Variants in RGS9 observed in about 807,000 individuals in gnomAD.
The protein encoded by RGS9 is regulator of G-protein signalling 9.
In RGS9, 78 loss-of-function variants were observed where a neutral mutation model predicts 102.0. The observed-to-expected ratio is 0.76, with a 90% CI of 0.64 to 0.92. RGS9 has a LOEUF of 0.92. Ranked by LOEUF, RGS9 falls within the 40% of genes least tolerant of loss-of-function variation. The probability of loss-of-function intolerance (pLI) is 0.00; values close to 1 mark genes in which losing one functional copy is unlikely to be tolerated. For missense variants in RGS9, 833 were observed against 866.1 expected, an observed-to-expected ratio of 0.96 and a Z score of 0.48; for synonymous variants, 353 against 318.6, an observed-to-expected ratio of 1.11 and a Z score of -1.15.
intron 17 of RGS9, among the ~76,000 whole-genome samples, chr17:65,212,338 T>A (rs1466233436): frequency 6.6e-6 from 1 of 152,202 alleles, no homozygotes; most frequent in East Asian, 1.9e-4. Flanking sequence ...CACAAATGCC[T>A]GCCCAAGGAT....
At chr17:65,171,227 A>T (rs1379555336) in intron 8 of RGS9, among the ~76,000 whole-genome samples, 1 of 152,176 alleles carries the variant, frequency 6.6e-6, no homozygotes, top group African/African-American at 2.4e-5. Flanking sequence ...ACTTTGTCCC[A>T]GGGAAGGGGT....
chr17:65,211,748 T>C (rs945017022), intron 17 of RGS9, among the ~76,000 whole-genome samples: 1 of 152,238 alleles, frequency 6.6e-6, no homozygotes, highest in African/African-American at 2.4e-5. Context: ...ATTCAGCACG[T>C]CTATTGAGCA....
intron 17 of RGS9, among the ~76,000 whole-genome samples, chr17:65,215,520 C>CTTTCTTTA (rs1913483935): frequency 7.3e-6 from 1 of 137,666 alleles, no homozygotes; most frequent in Non-Finnish European, 1.5e-5. Flanking sequence ...TTCTTTCTTT[C>CTTTCTTTA]TTTCTTTCTT....
intron 1 of RGS9, among the ~76,000 whole-genome samples, chr17:65,148,018 G>A (rs1254382871): frequency 6.6e-6 from 1 of 152,152 alleles, no homozygotes; most frequent in Non-Finnish European, 1.5e-5. Context: ...TGTCTAGAAT[G>A]TATTCATCTC....
At chr17:65,215,508 CT>C (rs1448339592) in intron 17 of RGS9, among the ~76,000 whole-genome samples, 1 of 131,006 alleles carries the variant, frequency 7.6e-6, no homozygotes, top group African/African-American at 3.3e-5. Context: ...TTCTTTCTTT[CT>C]TTCTTTCTTT....
intron 12 of RGS9, among the ~76,000 whole-genome samples, chr17:65,196,401 C>G (rs1204649556): frequency 6.6e-6 from 1 of 152,152 alleles, no homozygotes; most frequent in African/African-American, 2.4e-5. Context: ...TTTCAAAGGT[C>G]TGTGTTAGGT....
Position 65,204,201 on chromosome 17 carries a change from T to C in RGS9, c.1103T>C (p.Ile368Thr). The C allele has an allele frequency of 6.2e-7, 1 of 1,613,118 alleles. No individual in the cohort carries two copies. Among genetic ancestry groups the C allele is most frequent in the Non-Finnish European group, 8.5e-7 (1 of 1,180,014 alleles). Residue 368 changes from isoleucine (I) to threonine (T), a missense_variant, in exon 15 of 19, where the codon ATA becomes ACA. Around this residue, in one of 3 missense-constraint regions of RGS9, gnomAD observed 185 missense variants for 248.7 expected, o/e 0.74. Transcript: ENST00000262406. The stretch of plus-strand genomic sequence containing the variant: ...CCGGGGGCGAGGCGCTGGATCAACA[T>C]AGATGGCAAAACCATGGACATCACA... ...LAPGARRWIN[I>T]DGKTMDITVK...
intron 1 of RGS9, among the ~76,000 whole-genome samples, chr17:65,151,365 T>C (rs1004457171): frequency 2.0e-5 from 3 of 151,408 alleles, no homozygotes; most frequent in Admixed American, 1.3e-4. Context: ...AAAAGAGTCC[T>C]TCAGCTGATA....
At chr17:65,149,266 A>G (rs891735808) in intron 1 of RGS9, among the ~76,000 whole-genome samples, 1 of 152,124 alleles carries the variant, frequency 6.6e-6, no homozygotes, top group African/African-American at 2.4e-5. Context: ...GAGCCATCGC[A>G]CCGGGCCTGA....
intron 12 of RGS9, among the ~76,000 whole-genome samples, chr17:65,195,048 C>T (rs1912531792): frequency 6.6e-6 from 1 of 152,208 alleles, no homozygotes; most frequent in Admixed American, 6.5e-5. Context: ...GAACTACCTT[C>T]TGGGGAGGCT....
chr17:65,191,899 C>T (rs1488779292), intron 11 of RGS9, among the ~76,000 whole-genome samples: 1 of 152,132 alleles, frequency 6.6e-6, no homozygotes, highest in Non-Finnish European at 1.5e-5. Flanking sequence ...CCTGTTCTGT[C>T]CAAATCTTAT....
At chr17:65,193,085 A>T (rs1185847002) in intron 11 of RGS9, among the ~76,000 whole-genome samples, 5 of 145,718 alleles carry the variant, frequency 3.4e-5, no homozygotes, top group African/African-American at 7.8e-5. Context: ...ACTTGGCAAA[A>T]CCCTATCTCT....
intron 12 of RGS9, among the ~76,000 whole-genome samples, chr17:65,194,580 C>CT (rs149283172): frequency 0.055 from 8,390 of 152,034 alleles, 782 homozygotes; most frequent in African/African-American, 0.19. Context: ...TACCCTTTGG[C>CT]TTTTTTTTGT....
chr17:65,215,497 G>GTTCGTTCT lies in RGS9; in HGVS notation c.1407+4895_1407+4896insGTTCTTTC, dbSNP rs1555617651. ...TTCTCTATCTTTCTTTCGTTCTTTC[G>GTTCGTTCT]TTCTTTCTTTCTTTCTTTCTTTCTT... is the stretch of plus-strand genomic sequence containing the variant. On this transcript the variant is annotated intron_variant, in intron 17 of 18. Coordinates refer to ENST00000262406, the MANE Select transcript of RGS9 (RefSeq NM_003835.4). Among the ~76,000 whole-genome samples, 291 of 133,644 alleles carry GTTCGTTCT rather than the reference G, an allele frequency of 2.2e-3. 2 individuals are homozygous for GTTCGTTCT. The highest frequency in any genetic ancestry group is 3.5e-3 in the Non-Finnish European group (221 of 63,350). The allele number at this position is 133,644 out of a possible 152,430, so 87.7% of individuals were successfully genotyped here.
At chr17:65,178,443 C>T (rs1413818752) in intron 9 of RGS9, among the ~76,000 whole-genome samples, 2 of 151,944 alleles carry the variant, frequency 1.3e-5, no homozygotes, top group African/African-American at 4.8e-5. Flanking sequence ...GCCCATGGCC[C>T]TATTGACATT....
intron 8 of RGS9, among the ~76,000 whole-genome samples, chr17:65,171,611 G>T (rs768626816): frequency 6.6e-6 from 1 of 152,232 alleles, no homozygotes; most frequent in Non-Finnish European, 1.5e-5. Context: ...ATTTAGAAAG[G>T]CAGGGAGAAA....
At chr17:65,154,916 C>G in intron 2 of RGS9, among the ~76,000 whole-genome samples, 1 of 152,172 alleles carries the variant, frequency 6.6e-6, no homozygotes. Context: ...TCAAGGTGCC[C>G]TAGTCTTTGC....
At chr17:65,215,054 G>A (rs1403697044) in intron 17 of RGS9, among the ~76,000 whole-genome samples, 1 of 152,180 alleles carries the variant, frequency 6.6e-6, no homozygotes, top group Non-Finnish European at 1.5e-5. Context: ...TTGTGTCTCA[G>A]GGCTAGACAC....
chr17:65,160,439 AG>A, intron 4 of RGS9, 96 bp from the exon 5 acceptor site: 1 of 1,565,238 alleles, frequency 6.4e-7, no homozygotes, highest in South Asian at 1.1e-5. Context: ...GAAATGGTGG[AG>A]GGGGCCAAGG....
Sources: gnomAD v4.1 joint callset for allele counts (sites outside exome capture counted in the v4.1 genomes callset) on GRCh38, gnomAD v4.1.1 for gene constraint, gnomAD v4.1.1 regional missense constraint, MANE v1.5 for transcripts, NCBI Gene and HGNC (gene_info 2026-07-23, HGNC 2026-07-21) for gene names.